TIMM22: variants seen among roughly 807,000 people sequenced by gnomAD.
The protein encoded by TIMM22 is translocase of inner mitochondrial membrane 22.
In TIMM22, 12 loss-of-function variants were observed where a neutral mutation model predicts 18.3. That is an observed-to-expected ratio of 0.65 (90% CI 0.42 to 1.06). The LOEUF is 1.06. Among genes scored for constraint, TIMM22 ranks in the 50% least tolerant of loss-of-function variants. The pLI, the probability that TIMM22 is intolerant of heterozygous loss-of-function variation, is 0.00. For synonymous variants in TIMM22, 107 were observed against 98.5 expected (o/e 1.09, Z -0.51); for missense variants, 278 against 252.8 (o/e 1.10, Z -0.68).
In TIMM22 at chr17:997,349, C is replaced by A. The variant is rs1351258649; in HGVS notation, c.207C>A (p.Cys69Ter). Residue 69 changes from cysteine to a stop codon, truncating the protein, a stop_gained, in exon 1 of 4, where the codon TGC (cysteine) becomes TGA (stop). Coordinates refer to ENST00000327158, the MANE Select transcript of TIMM22 (RefSeq NM_013337.4). LOFTEE classifies it high-confidence loss of function. ...QKMIEKAMES[C>*]AFKAALACVG... The stretch of plus-strand genomic sequence containing the variant: ...TGATCGAGAAGGCGATGGAAAGCTG[C>A]GCTTTCAAGGCTGCGCTGGCCTGCG... 6.2e-7 allele frequency: 1 copy of A among 1,613,390 alleles called. No individual in the cohort carries two copies. Among genetic ancestry groups the A allele is most frequent in the African/African-American group, 1.3e-5 (1 of 74,936 alleles).
Position 997,189 on chromosome 17 carries a change from C to T in TIMM22, c.47C>T (p.Ala16Val). 2 of 1,611,992 alleles carry T rather than the reference C, an allele frequency of 1.2e-6. No homozygotes were observed. Among genetic ancestry groups the T allele is most frequent in the Non-Finnish European group, 1.7e-6 (2 of 1,179,718 alleles). Reference sequence around the variant, plus strand: ...GCCGGAGGCTCGGCCCCTGAGACAGCGGGTTCCGCCGAAGCTCCGCTGCAG... The same window carrying T: ...GCCGGAGGCTCGGCCCCTGAGACAGTGGGTTCCGCCGAAGCTCCGCTGCAG... ...PNAGGSAPET[A>V]GSAEAPLQYS... The change falls in exon 1 of 4, where the codon GCG becomes GTG. Residue 16 changes from alanine (A) to valine (V), a missense_variant. Ala to Val is a moderately conservative substitution (Grantham distance 64, BLOSUM62 0). Transcript: ENST00000327158.
In TIMM22 at chr17:997,317, C is replaced by G. The variant is rs781580197; in HGVS notation, c.175C>G (p.Gln59Glu). 88 of 1,613,890 alleles carry G rather than the reference C, an allele frequency of 5.5e-5. No homozygotes were observed. The highest frequency in any genetic ancestry group is 7.3e-5 in the Non-Finnish European group (86 of 1,179,974). Residue 59 changes from glutamine (Q) to glutamate (E), a missense_variant, in exon 1 of 4, where the codon CAG becomes GAG. Coordinates refer to ENST00000327158, the MANE Select transcript of TIMM22 (RefSeq NM_013337.4). ...GIPSPAKSEE[Q>E]KMIEKAMESC... ...CCCAAGTCCAGCCAAGAGTGAGGAG[C>G]AGAAGATGATCGAGAAGGCGATGGA...
chr17:1,001,071 G>A lies in TIMM22; in HGVS notation c.568G>A (p.Asp190Asn). ...GGFAAFSAAI[D>N]YYLR The stretch of plus-strand genomic sequence containing the variant: ...TTTTGCTGCTTTCTCTGCTGCGATT[G>A]ATTATTACCTCCGGTGAGAGTAATT... The change falls in exon 4 of 4, where the codon GAT (aspartate) becomes AAT (asparagine). Residue 190 changes from aspartate (D) to asparagine (N), a missense_variant. Transcript: ENST00000327158. The A allele has an allele frequency of 6.2e-7, 1 of 1,613,930 alleles. No homozygotes were observed. Among genetic ancestry groups the A allele is most frequent in the South Asian group, 1.1e-5 (1 of 91,030 alleles).
In TIMM22 at chr17:1,002,442, T is replaced by C. The variant is rs1384608646; in HGVS notation, c.*1354T>C. On this transcript the variant is annotated 3_prime_UTR_variant, in exon 4 of 4. Coordinates refer to ENST00000327158, the MANE Select transcript of TIMM22 (RefSeq NM_013337.4). ...AACCAGCGTTCACACTCAGTGTACATGGCCTGGAGGCCCGAGTGTTTGTAC... is the reference window on the plus strand; with the variant it reads ...AACCAGCGTTCACACTCAGTGTACACGGCCTGGAGGCCCGAGTGTTTGTAC... 1.3e-5 allele frequency: 2 copies of C among 152,260 alleles called. No individual in the cohort carries two copies. Among genetic ancestry groups the C allele is most frequent in the East Asian group, 3.8e-4 (2 of 5,204 alleles). The allele number at this position is 152,260 out of a possible 1,614,324, so 9.4% of individuals were successfully genotyped here.
At chr17:999,358 T>TACATACATATATAC (rs1555524936) in intron 2 of TIMM22, among the ~76,000 whole-genome samples, 154 bp from the exon 3 acceptor site, 49 of 132,580 alleles carry the variant, frequency 3.7e-4, no homozygotes, top group African/African-American at 1.5e-3. Flanking sequence ...TATATATATA[T>TACATACATATATAC]ACACGCTGTA....
chr17:1,003,554 T>A lies in TIMM22; in HGVS notation c.*2466T>A, dbSNP rs931080386. ...GCAAATGATGGGGCTTTGCATTTTT[T>A]ATTAACATTTTCCTCTCACGTGGTT... On this transcript the variant is annotated 3_prime_UTR_variant, in exon 4 of 4. Coordinates refer to ENST00000327158, the MANE Select transcript of TIMM22 (RefSeq NM_013337.4). 2.6e-5 allele frequency: 4 copies of A among 152,684 alleles called. No individual in the cohort carries two copies. Among genetic ancestry groups the A allele is most frequent in the Non-Finnish European group, 5.9e-5 (4 of 68,048 alleles). The allele number at this position is 152,684 out of a possible 1,614,324, so 9.5% of individuals were successfully genotyped here. A position where few individuals can be genotyped will look rare whatever the true frequency, so the allele number is the denominator to read the frequency against.
intron 1 of TIMM22, 101 bp from the exon 2 acceptor site, chr17:998,678 C>A: frequency 7.7e-7 from 1 of 1,303,982 alleles, no homozygotes; most frequent in Non-Finnish European, 1.1e-6. Context: ...GTGTCCTCTG[C>A]ACCGGTGGTC....
chr17:998,180 T>G (rs972557119), intron 1 of TIMM22, among the ~76,000 whole-genome samples: 4 of 152,128 alleles, frequency 2.6e-5, no homozygotes, highest in Non-Finnish European at 4.4e-5. Flanking sequence ...TGCCCATGAT[T>G]TTATTAAACT....
rs758660913 is a variant in TIMM22, at chr17:997,374, G to T, written c.232G>T (p.Val78Leu). Residue 78 changes from valine to leucine, a missense_variant, in exon 1 of 4, where the codon GTG becomes TTG. Val to Leu is a conservative substitution (Grantham distance 32, BLOSUM62 1). Transcript: ENST00000327158. ...SCAFKAALAC[V>L]GGFVLGGAFG... ...CGCTTTCAAGGCTGCGCTGGCCTGC[G>T]TGGGAGGTGAGGCCGGGCGATGGGA... 2 of 1,612,616 alleles carry T rather than the reference G, an allele frequency of 1.2e-6. No individual in the cohort carries two copies. The highest frequency in any genetic ancestry group is 1.1e-5 in the South Asian group (1 of 90,888).
At chr17:1,000,071 T>TATTTTTTA (rs2069728354) in intron 3 of TIMM22, among the ~76,000 whole-genome samples, 2 of 151,758 alleles carry the variant, frequency 1.3e-5, no homozygotes, top group African/African-American at 2.4e-5. Context: ...AGCTAATTTT[T>TATTTTTTA]ATTTTTTTAG....
intron 1 of TIMM22, 47 bp from the exon 2 acceptor site, chr17:998,732 T>G (rs1490437351): frequency 1.3e-6 from 2 of 1,589,610 alleles, no homozygotes; most frequent in East Asian, 4.5e-5. Context: ...AATAGAGTAA[T>G]GCAGAAAACA....
Position 1,002,681 on chromosome 17 carries a change from C to T in TIMM22, c.*1593C>T, listed in dbSNP as rs182225574. On this transcript the variant is annotated 3_prime_UTR_variant, in exon 4 of 4. Transcript: ENST00000327158. ...CAGAACAAATTGTTTCCTCTGCTGT[C>T]CCTAAATATAGGACACCTACAAGCA... is the stretch of plus-strand genomic sequence containing the variant. 6.6e-6 allele frequency: 1 copy of T among 152,198 alleles called. No homozygotes were observed. The highest frequency in any genetic ancestry group is 1.5e-5 in the Non-Finnish European group (1 of 68,034). The allele number at this position is 152,198 out of a possible 1,614,324, so 9.4% of individuals were successfully genotyped here. A position where few individuals can be genotyped will look rare whatever the true frequency, so the allele number is the denominator to read the frequency against.
At chr17:1,000,775 T>C (rs891375179) in intron 3 of TIMM22, among the ~76,000 whole-genome samples, 2 of 152,242 alleles carry the variant, frequency 1.3e-5, no homozygotes, top group Admixed American at 6.5e-5. Flanking sequence ...AGGGGCTATT[T>C]CCCTAAGACT....
chr17:1,000,069 T>TTTTA (rs879827893), intron 3 of TIMM22, among the ~76,000 whole-genome samples: 1 of 151,656 alleles, frequency 6.6e-6, no homozygotes, highest in Admixed American at 6.6e-5. Flanking sequence ...TCAGCTAATT[T>TTTTA]TTATTTTTTT....
chr17:997,466 G>C, intron 1 of TIMM22, 86 bp downstream of exon 1: 36 of 1,333,502 alleles, frequency 2.7e-5, no homozygotes, highest in Non-Finnish European at 3.6e-5. Flanking sequence ...CGCCTGGGAG[G>C]CGAGGGACTG....
intron 2 of TIMM22, among the ~76,000 whole-genome samples, 189 bp from the exon 3 acceptor site, chr17:999,323 C>CTATA (rs57081954): frequency 0.024 from 2,873 of 119,930 alleles, 56 homozygotes; most frequent in Non-Finnish European, 0.033. Context: ...TGAACGCATA[C>CTATA]TATATATATA....
chr17:998,885 GAA>G lies in TIMM22; in HGVS notation c.347_348del (p.Lys116ArgfsTer24), dbSNP rs2069711964. ...GTACACCGACTGCAAAAGAAGTGCT[GAA>G]AGACATGGGGCAGAGAGGAATGTCC... is the stretch of plus-strand genomic sequence containing the variant. ...YRTPTAKEVL[K>X]DMGQRGMSYA... On this transcript the variant is annotated frameshift_variant, in exon 2 of 4. Coordinates refer to ENST00000327158, the MANE Select transcript of TIMM22 (RefSeq NM_013337.4). LOFTEE classifies it high-confidence loss of function. 1 of 1,614,070 alleles carries G rather than the reference GAA, an allele frequency of 6.2e-7. No individual in the cohort carries two copies.
intron 3 of TIMM22, among the ~76,000 whole-genome samples, chr17:1,000,311 A>G (rs948260282): frequency 1.6e-4 from 23 of 143,806 alleles, no homozygotes; most frequent in Non-Finnish European, 1.5e-5. Context: ...TATTCTAGAA[A>G]TATTAGATTA....
chr17:998,233 G>A (rs2069704584), intron 1 of TIMM22, among the ~76,000 whole-genome samples: 1 of 152,214 alleles, frequency 6.6e-6, no homozygotes, highest in Non-Finnish European at 1.5e-5. Flanking sequence ...ATCTGGACAT[G>A]TCCAGCCGGC....
Sources: allele counts gnomAD v4.1 joint callset (sites outside exome capture counted in the v4.1 genomes callset), GRCh38; gene constraint gnomAD v4.1.1; transcripts MANE v1.5; gene names NCBI Gene and HGNC (gene_info 2026-07-23, HGNC 2026-07-21).